CCDC30: variants seen among roughly 807,000 people sequenced by gnomAD.
CCDC30 encodes coiled-coil domain containing 30.
A neutral mutation model predicts 100.2 loss-of-function variants in CCDC30; 70 were observed. The observed-to-expected ratio is 0.70, with a 90% confidence interval of 0.58 to 0.85. The LOEUF is 0.85. Ranked by LOEUF, CCDC30 falls within the 40% of genes least tolerant of loss-of-function variation. The probability of loss-of-function intolerance (pLI) is 0.00; values close to 1 mark genes in which losing one functional copy is unlikely to be tolerated. For missense variants in CCDC30, 652 were observed against 771.2 expected (o/e 0.85, Z 1.83); for synonymous variants, 233 against 269.5 (o/e 0.86, Z 1.33).
At chr1:42,556,377 G>A (rs200735291) in intron 6 of CCDC30, 4 of 1,613,506 alleles carry the variant, frequency 2.5e-6, no homozygotes, top group Non-Finnish European at 3.4e-6. Flanking sequence ...CAGAGCTCTG[G>A]GGATAGTTCA....
At chr1:42,630,664 G>A (rs889557967) in intron 11 of CCDC30, among the ~76,000 whole-genome samples, 2 of 152,140 alleles carry the variant, frequency 1.3e-5, no homozygotes, top group African/African-American at 4.8e-5. Flanking sequence ...TTACAGGCGT[G>A]AGCCACCGCA....
intron 11 of CCDC30, among the ~76,000 whole-genome samples, chr1:42,630,582 A>G (rs1647019351): frequency 6.6e-6 from 1 of 151,648 alleles, no homozygotes; most frequent in African/African-American, 2.4e-5. Flanking sequence ...GGGTTTTGCC[A>G]TGTTGGCCAG....
chr1:42,561,221 A>T (rs980242040), intron 6 of CCDC30, among the ~76,000 whole-genome samples: 2 of 152,220 alleles, frequency 1.3e-5, no homozygotes, highest in East Asian at 1.9e-4. Context: ...AATACTGGCA[A>T]ACCAAATCCA....
intron 10 of CCDC30, among the ~76,000 whole-genome samples, chr1:42,608,430 T>G (rs112646985): frequency 0.042 from 6,463 of 152,272 alleles, 444 homozygotes; most frequent in African/African-American, 0.14. Context: ...GGCCGGGCAC[T>G]GTGGCTCACG....
At chr1:42,619,794 G>GC (rs947870277) in intron 11 of CCDC30, among the ~76,000 whole-genome samples, 1 of 151,964 alleles carries the variant, frequency 6.6e-6, no homozygotes, top group Non-Finnish European at 1.5e-5. Flanking sequence ...GCAAATCCCC[G>GC]CCCCCCATCC....
the CCDC30 span, chr1:42,457,651 G>T: frequency 2.6e-6 from 1 of 380,566 alleles, no homozygotes; most frequent in East Asian, 5.3e-5. Context: ...GAATTGAACT[G>T]GGTTTTAAAA....
intron 6 of CCDC30, among the ~76,000 whole-genome samples, chr1:42,517,520 A>C (rs2148498696): frequency 6.6e-6 from 1 of 152,280 alleles, no homozygotes; most frequent in East Asian, 1.9e-4. Flanking sequence ...GTTCCCCCTA[A>C]GTTTTCTGCA....
intron 6 of CCDC30, chr1:42,500,385 T>C: frequency 1.5e-6 from 2 of 1,314,478 alleles, no homozygotes; most frequent in Non-Finnish European, 2.2e-6. Context: ...ACGAGCGAAG[T>C]CTGGTCTGCG....
At chr1:42,476,459 G>A (rs186980981) in intron 1 of CCDC30, among the ~76,000 whole-genome samples, 4 of 152,286 alleles carry the variant, frequency 2.6e-5, no homozygotes, top group Admixed American at 2.0e-4. Flanking sequence ...GGGAGACTGA[G>A]GTGGGCGGAT....
At chr1:42,556,436 G>T (rs1197233704) in intron 6 of CCDC30, 31 bp downstream of exon 10, 1 of 1,548,246 alleles carries the variant, frequency 6.5e-7, no homozygotes, top group Non-Finnish European at 8.7e-7. Context: ...CCCTGACTGG[G>T]TTCGTTTCCT....
chr1:42,475,143 C>G (rs1643869247), intron 1 of CCDC30, among the ~76,000 whole-genome samples: 1 of 152,028 alleles, frequency 6.6e-6, no homozygotes, highest in Non-Finnish European at 1.5e-5. Context: ...TACATGTCAT[C>G]ATACCTATGG....
exon 1 of CCDC30, chr1:42,463,443 C>T (rs1034348885): frequency 1.3e-5 from 2 of 152,254 alleles, no homozygotes; most frequent in African/African-American, 2.4e-5. Context: ...ACCCATTCTC[C>T]CCTCTTTTCC....
chr1:42,589,885 AC>A (rs1646149934), intron 10 of CCDC30: 1 of 157,102 alleles, frequency 6.4e-6, no homozygotes, highest in Non-Finnish European at 1.4e-5. Flanking sequence ...AGACAAACAA[AC>A]CTGTTTCTTC....
chr1:42,602,273 G>T (rs563392431), intron 10 of CCDC30, among the ~76,000 whole-genome samples: 3 of 151,018 alleles, frequency 2.0e-5, no homozygotes, highest in Non-Finnish European at 4.4e-5. Flanking sequence ...CTAACATGGT[G>T]GTGTTTGTGT....
chr1:42,540,022 A>G (rs575241031), intron 6 of CCDC30, among the ~76,000 whole-genome samples: 1 of 152,188 alleles, frequency 6.6e-6, no homozygotes, highest in East Asian at 1.9e-4. Flanking sequence ...AGTCCCACCT[A>G]TTAGGTTATC....
chr1:42,573,476 T>C (rs1190457575), intron 7 of CCDC30, among the ~76,000 whole-genome samples: 1 of 152,178 alleles, frequency 6.6e-6, no homozygotes, highest in Non-Finnish European at 1.5e-5. Context: ...CATACTTTTT[T>C]ATTCTTACAA....
At chr1:42,644,645 A>G in intron 13 of CCDC30, 48 bp from the exon 18 acceptor site, 1 of 1,180,728 alleles carries the variant, frequency 8.5e-7, no homozygotes, top group Non-Finnish European at 1.3e-6. Context: ...GGTTTTTAGT[A>G]ATGATACAGA....
rs1174366185 is a variant in CCDC30 at position 42,589,497 on chromosome 1, T to C, written c.1164+14T>C. The C allele has an allele frequency of 5.6e-6, 9 of 1,601,286 alleles. No homozygotes were observed. Among genetic ancestry groups the C allele is most frequent in the Non-Finnish European group, 7.7e-6 (9 of 1,169,320 alleles). ...AAATATGATGAGGTAAGAAAGTAAA[T>C]AGACATGCTTCTCAGTTTTCCTATT... On this transcript the variant is annotated intron_variant, in intron 10 of 16. Coordinates refer to ENST00000668663, the Ensembl canonical transcript of CCDC30.
intron 4 of CCDC30, among the ~76,000 whole-genome samples, chr1:42,492,680 C>T (rs1187016625): frequency 6.6e-6 from 1 of 151,932 alleles, no homozygotes; most frequent in East Asian, 1.9e-4. Context: ...CGGATTCTCA[C>T]GTTGTCGCCC....
Sources: allele counts gnomAD v4.1 joint callset (sites outside exome capture counted in the v4.1 genomes callset), GRCh38; gene constraint gnomAD v4.1.1; transcripts MANE v1.5; gene names NCBI Gene and HGNC (gene_info 2026-07-23, HGNC 2026-07-21).